The following GULP1 variants were observed in gnomAD, a reference collection of about 807,000 sequenced individuals.
The protein encoded by GULP1 is GULP PTB domain containing engulfment adaptor 1.
Under a neutral mutation model 40.9 loss-of-function variants are expected in GULP1, and 19 were observed. That is an observed-to-expected ratio of 0.46 (90% CI 0.32 to 0.68). The LOEUF is 0.68. Among genes scored for constraint, GULP1 ranks in the 30% least tolerant of loss-of-function variants. GULP1 has a pLI of 0.03. For missense variants in GULP1, 312 were observed against 362.2 expected, an observed-to-expected ratio of 0.86 and a Z score of 1.12; for synonymous variants, 119 against 117.6, an observed-to-expected ratio of 1.01 and a Z score of -0.08.
At chr2:188,396,898 C>G (rs965830745) in intron 2 of GULP1, among the ~76,000 whole-genome samples, 1 of 152,164 alleles carries the variant, frequency 6.6e-6, no homozygotes, top group Non-Finnish European at 1.5e-5. Context: ...TGCTGCTGCT[C>G]CCACTTTTAT....
At chr2:188,365,304 C>A (rs961315497) in intron 1 of GULP1, among the ~76,000 whole-genome samples, 2 of 152,082 alleles carry the variant, frequency 1.3e-5, no homozygotes, top group Non-Finnish European at 2.9e-5. Context: ...GAAGGTTAAT[C>A]TTGTAAGGGA....
intron 4 of GULP1, among the ~76,000 whole-genome samples, chr2:188,494,558 C>T (rs2062719633): frequency 6.6e-6 from 1 of 152,048 alleles, no homozygotes; most frequent in African/African-American, 2.4e-5. Context: ...CCACCGTCAT[C>T]TGTCTCACAC....
intron 11 of GULP1, chr2:188,592,468 C>A (rs929135604): frequency 6.6e-6 from 1 of 151,762 alleles, no homozygotes; most frequent in Non-Finnish European, 1.5e-5. Context: ...ATAAATATGG[C>A]AAAATGTATT....
intron 1 of GULP1, among the ~76,000 whole-genome samples, chr2:188,306,189 C>A (rs1414333768): frequency 6.6e-6 from 1 of 152,108 alleles, no homozygotes; most frequent in Non-Finnish European, 1.5e-5. Flanking sequence ...AATTGTTCAA[C>A]ATGTACTTTT....
chr2:188,573,364 G>T (rs1699500977), intron 9 of GULP1, among the ~76,000 whole-genome samples: 1 of 152,118 alleles, frequency 6.6e-6, no homozygotes, highest in South Asian at 2.1e-4. Context: ...TATTTTTGAA[G>T]ATTTATTAAT....
chr2:188,538,947 TA>T (rs1689702890), intron 6 of GULP1, among the ~76,000 whole-genome samples: 1 of 152,120 alleles, frequency 6.6e-6, no homozygotes, highest in Admixed American at 6.6e-5. Context: ...GATTTTTAAA[TA>T]TATTATTAAT....
chr2:188,457,590 C>G (rs1411687113), intron 2 of GULP1, among the ~76,000 whole-genome samples: 1 of 152,084 alleles, frequency 6.6e-6, no homozygotes, highest in Non-Finnish European at 1.5e-5. Context: ...TTATAAGCAG[C>G]ATGAAATGGA....
chr2:188,519,515 G>A (rs2065517423), intron 4 of GULP1, among the ~76,000 whole-genome samples: 1 of 152,082 alleles, frequency 6.6e-6, no homozygotes. Context: ...CTCTGCTCCT[G>A]CTAATCCTAG....
intron 4 of GULP1, among the ~76,000 whole-genome samples, 175 bp from the exon 5 acceptor site, chr2:188,522,579 TAA>T (rs996669281): frequency 6.6e-6 from 1 of 151,754 alleles, no homozygotes; most frequent in African/African-American, 2.4e-5. Context: ...GTATAAATGA[TAA>T]AGTTTAGTTA....
chr2:188,444,832 TA>T (rs1018836498), intron 2 of GULP1, among the ~76,000 whole-genome samples: 3 of 152,200 alleles, frequency 2.0e-5, no homozygotes, highest in African/African-American at 4.8e-5. Context: ...CAGAGTTTAC[TA>T]AAAATATCCT....
intron 10 of GULP1, among the ~76,000 whole-genome samples, chr2:188,586,478 C>T (rs1239610161): frequency 6.6e-6 from 1 of 152,122 alleles, no homozygotes; most frequent in Non-Finnish European, 1.5e-5. Context: ...CCTCTGAAAT[C>T]TAAATTTTGA....
chr2:188,366,415 TCTGA>T (rs1040956759), intron 1 of GULP1, among the ~76,000 whole-genome samples: 1 of 152,100 alleles, frequency 6.6e-6, no homozygotes, highest in African/African-American at 2.4e-5. Context: ...ATGTCACATA[TCTGA>T]CTATTAAGTG....
chr2:188,486,131 A>T (rs2061842156), intron 4 of GULP1, among the ~76,000 whole-genome samples: 1 of 152,026 alleles, frequency 6.6e-6, no homozygotes, highest in African/African-American at 2.4e-5. Flanking sequence ...ATTGTAAATG[A>T]ATCCAACAGG....
At chr2:188,410,717 CATT>C (rs752996703) in intron 2 of GULP1, among the ~76,000 whole-genome samples, 15 of 152,234 alleles carry the variant, frequency 9.9e-5, no homozygotes, top group Middle Eastern at 6.8e-3. Context: ...TTAATGGAAT[CATT>C]GTTGTGTCCT....
chr2:188,474,728 T>C (rs569825006), intron 2 of GULP1, among the ~76,000 whole-genome samples: 4 of 152,110 alleles, frequency 2.6e-5, no homozygotes, highest in African/African-American at 4.8e-5. Context: ...TTTTGTTTGT[T>C]TGTTTGGATA....
intron 2 of GULP1, among the ~76,000 whole-genome samples, chr2:188,384,529 C>A (rs992508024): frequency 9.2e-5 from 14 of 152,284 alleles, no homozygotes; most frequent in Non-Finnish European, 1.5e-4. Flanking sequence ...TGGCCCCTCT[C>A]AAATCTCATG....
chr2:188,574,519 G>T (rs1366434501), intron 9 of GULP1, among the ~76,000 whole-genome samples: 1 of 152,154 alleles, frequency 6.6e-6, no homozygotes, highest in East Asian at 1.9e-4. Flanking sequence ...AGCTACTTGG[G>T]AGGTTGAGGT....
At chr2:188,390,373 A>G (rs1419050243) in intron 2 of GULP1, among the ~76,000 whole-genome samples, 1 of 152,110 alleles carries the variant, frequency 6.6e-6, no homozygotes, top group Non-Finnish European at 1.5e-5. Context: ...AGTGATGTTG[A>G]GCATTTTTTC....
chr2:188,516,057 C>G (rs1559332471), intron 4 of GULP1, among the ~76,000 whole-genome samples: 3 of 152,112 alleles, frequency 2.0e-5, no homozygotes, highest in African/African-American at 7.2e-5. Flanking sequence ...TTATTCTATT[C>G]TGGATAAAGT....
Sources: allele counts gnomAD v4.1 joint callset (sites outside exome capture counted in the v4.1 genomes callset), GRCh38; gene constraint gnomAD v4.1.1; transcripts MANE v1.5; gene names NCBI Gene and HGNC (gene_info 2026-07-23, HGNC 2026-07-21).